Variants in UNC5C observed in about 807,000 individuals in gnomAD.
UNC5C encodes netrin receptor UNC5C.
In UNC5C, 47 loss-of-function variants were observed where a neutral mutation model predicts 99.8. The ratio of observed to expected loss-of-function variants is 0.47; its 90% CI spans 0.37 to 0.60. UNC5C has a LOEUF of 0.60. Among genes scored for constraint, UNC5C ranks in the 20% least tolerant of loss-of-function variants. The pLI is 0.00. For missense variants in UNC5C, 1,062 were observed against 1,165.9 expected, an observed-to-expected ratio of 0.91 and a Z score of 1.30; for synonymous variants, 487 against 452.2, an observed-to-expected ratio of 1.08 and a Z score of -0.98.
chr4:95,275,750 G>A (rs1407034434), intron 4 of UNC5C, among the ~76,000 whole-genome samples: 1 of 152,170 alleles, frequency 6.6e-6, no homozygotes, highest in Non-Finnish European at 1.5e-5. Flanking sequence ...TGCAAAGAAT[G>A]TACCTGACTA....
chr4:95,327,554 C>T (rs771994231), intron 2 of UNC5C, among the ~76,000 whole-genome samples: 4 of 152,060 alleles, frequency 2.6e-5, no homozygotes, highest in Non-Finnish European at 5.9e-5. Context: ...AAGCATATCA[C>T]ACACAGTGTT....
At position 95,475,195 on chromosome 4, in the gene UNC5C, G is replaced by T. The variant is rs369571248; in HGVS notation, c.124+73539C>A. On this transcript the variant is annotated intron_variant, in intron 1 of 15. Coordinates refer to ENST00000453304, the MANE Select transcript of UNC5C (RefSeq NM_003728.4). ...GGATAATCTAGTCTTAAATTAAGGG[G>T]TGTCTTTATACTCTCTCCTCTTGAC... is the stretch of plus-strand genomic sequence containing the variant. Among the ~76,000 whole-genome samples, 45 of 152,046 alleles carry T rather than the reference G, an allele frequency of 3.0e-4. No individual in the cohort carries two copies. The South Asian group carries it at 3.1e-3, about 11-fold the overall frequency.
chr4:95,171,007 A>G (rs1292945626), intron 14 of UNC5C, among the ~76,000 whole-genome samples: 1 of 152,230 alleles, frequency 6.6e-6, no homozygotes, highest in Non-Finnish European at 1.5e-5. Context: ...ATCTAATTTT[A>G]GTAGAGAAAA....
chr4:95,356,654 T>A (rs1273247387), intron 1 of UNC5C, among the ~76,000 whole-genome samples: 1 of 151,984 alleles, frequency 6.6e-6, no homozygotes, highest in Non-Finnish European at 1.5e-5. Context: ...ACTCTAGGAG[T>A]CTGTGCTTCC....
intron 4 of UNC5C, among the ~76,000 whole-genome samples, chr4:95,274,104 T>C (rs1170453266): frequency 6.6e-6 from 1 of 152,148 alleles, no homozygotes; most frequent in East Asian, 1.9e-4. Flanking sequence ...CATGAGCTTG[T>C]CAGGCAAGAA....
intron 1 of UNC5C, among the ~76,000 whole-genome samples, chr4:95,392,610 C>G (rs1745395144): frequency 6.8e-6 from 1 of 147,562 alleles, no homozygotes; most frequent in South Asian, 2.2e-4. Context: ...GTTTTTAAAA[C>G]TTTTTTTTTT....
intron 1 of UNC5C, among the ~76,000 whole-genome samples, chr4:95,350,536 T>C (rs1470770455): frequency 6.6e-6 from 1 of 151,956 alleles, no homozygotes; most frequent in Non-Finnish European, 1.5e-5. Context: ...TGATTAGAGC[T>C]ACATACCCTG....
At chr4:95,309,632 C>T (rs1168772949) in intron 2 of UNC5C, among the ~76,000 whole-genome samples, 1 of 152,088 alleles carries the variant, frequency 6.6e-6, no homozygotes, top group Non-Finnish European at 1.5e-5. Flanking sequence ...TCCCAAAAGA[C>T]ACGTTTCAAA....
chr4:95,505,242 A>T (rs1578199583), intron 1 of UNC5C, among the ~76,000 whole-genome samples: 1 of 152,232 alleles, frequency 6.6e-6, no homozygotes, highest in East Asian at 1.9e-4. Flanking sequence ...GGTACAGGTC[A>T]ATAGAACTAG....
intron 12 of UNC5C, among the ~76,000 whole-genome samples, chr4:95,199,920 C>CCTT (rs1246294441): frequency 6.6e-6 from 1 of 152,158 alleles, no homozygotes; most frequent in Non-Finnish European, 1.5e-5. Flanking sequence ...AAAGAAATAA[C>CCTT]CTTAAGCTTT....
At position 95,480,783 on chromosome 4, in the gene UNC5C, A is replaced by T. The variant is rs559488584; in HGVS notation, c.124+67951T>A. Among the ~76,000 whole-genome samples, 7 of 152,150 alleles carry T rather than the reference A, an allele frequency of 4.6e-5. No individual in the cohort carries two copies. In the East Asian group the frequency reaches 1.4e-3, roughly 30 times the overall value. ...CACATGATTATCTCAATAGATGCAG[A>T]AAAGGCCTTTGACAAAATTCAACAA... On this transcript the variant is annotated intron_variant, in intron 1 of 15. Coordinates refer to ENST00000453304, the MANE Select transcript of UNC5C (RefSeq NM_003728.4).
intron 1 of UNC5C, among the ~76,000 whole-genome samples, chr4:95,418,473 T>C (rs548116058): frequency 6.6e-6 from 1 of 152,242 alleles, no homozygotes; most frequent in African/African-American, 2.4e-5. Flanking sequence ...AAGAAAGAAA[T>C]GATGAAAACA....
Position 95,379,064 on chromosome 4 carries a change from A to G in UNC5C, c.125-43433T>C, listed in dbSNP as rs191930961. On this transcript the variant is annotated intron_variant, in intron 1 of 15. Coordinates refer to ENST00000453304, the MANE Select transcript of UNC5C (RefSeq NM_003728.4). ...GGATAACTTATTGGTTCTGATACAC[A>G]TAATTTAAAAACTATTGGTGCAGGG... Among the ~76,000 whole-genome samples the G allele has an allele frequency of 1.2e-3, 178 of 152,292 alleles. 2 individuals carry two copies. The highest frequency in any genetic ancestry group is 0.011 in the Admixed American group (163 of 15,294).
intron 2 of UNC5C, among the ~76,000 whole-genome samples, chr4:95,330,844 T>C (rs1047773033): frequency 6.6e-6 from 1 of 152,080 alleles, no homozygotes; most frequent in Non-Finnish European, 1.5e-5. Context: ...ATTTATGGGA[T>C]ATAAGTATAA....
At chr4:95,507,590 C>T (rs1189226615) in intron 1 of UNC5C, among the ~76,000 whole-genome samples, 5 of 152,024 alleles carry the variant, frequency 3.3e-5, no homozygotes, top group Non-Finnish European at 7.4e-5. Context: ...TCTCTAGCCT[C>T]AGCTCTTCCT....
intron 8 of UNC5C, among the ~76,000 whole-genome samples, chr4:95,219,564 G>A (rs1009593535): frequency 6.6e-6 from 1 of 152,122 alleles, no homozygotes; most frequent in South Asian, 2.1e-4. Flanking sequence ...AAGGTATTTG[G>A]CTATTTCAAC....
At chr4:95,411,188 T>G (rs1745977287) in intron 1 of UNC5C, among the ~76,000 whole-genome samples, 1 of 152,184 alleles carries the variant, frequency 6.6e-6, no homozygotes, top group Non-Finnish European at 1.5e-5. Flanking sequence ...TTCCAATGTC[T>G]TGGCATATCT....
chr4:95,403,440 A>T (rs1304480344), intron 1 of UNC5C, among the ~76,000 whole-genome samples: 1 of 152,204 alleles, frequency 6.6e-6, no homozygotes, highest in Non-Finnish European at 1.5e-5. Context: ...TTTGATAGAC[A>T]GCAGGAGGCC....
At chr4:95,399,837 A>T (rs1745635370) in intron 1 of UNC5C, among the ~76,000 whole-genome samples, 1 of 152,178 alleles carries the variant, frequency 6.6e-6, no homozygotes, top group Non-Finnish European at 1.5e-5. Context: ...CTCAGTACTT[A>T]TTAGAAACTA....
Sources: allele counts gnomAD v4.1 joint callset (sites outside exome capture counted in the v4.1 genomes callset), GRCh38; gene constraint gnomAD v4.1.1; transcripts MANE v1.5; gene names NCBI Gene and HGNC (gene_info 2026-07-23, HGNC 2026-07-21).